NEURL1: variants seen among roughly 807,000 people sequenced by gnomAD.
The protein encoded by NEURL1 is neuralized E3 ubiquitin protein ligase 1, also known as E3 ubiquitin-protein ligase NEURL1.
In NEURL1, 26 loss-of-function variants were observed where a neutral mutation model predicts 41.2. The ratio of observed to expected loss-of-function variants is 0.63; its 90% CI spans 0.46 to 0.87. The LOEUF is 0.87. NEURL1 is among the 40% of genes least tolerant of loss of function. NEURL1 has a pLI of 0.00. For missense variants in NEURL1, 761 were observed against 871.1 expected (o/e 0.87, Z 1.59); for synonymous variants, 400 against 402.3 (o/e 0.99, Z 0.07).
intron 3 of NEURL1, among the ~76,000 whole-genome samples, chr10:103,575,372 C>T (rs950859897): frequency 2.6e-5 from 4 of 152,186 alleles, no homozygotes; most frequent in African/African-American, 9.7e-5. Context: ...CCTGGGGTGA[C>T]TGTCCCCCAA....
At position 103,590,568 on chromosome 10, in the gene NEURL1, C is replaced by T. The variant is rs766245957; in HGVS notation, c.*196C>T. ...CAGGGAGGGGGCAGAGGCAAATCAC[C>T]GGGCAGAGGGAGGGGAGGAGAGGAG... is the stretch of plus-strand genomic sequence containing the variant. On this transcript the variant is annotated 3_prime_UTR_variant, in exon 6 of 6. Transcript: ENST00000369780. 2.4e-5 allele frequency: 14 copies of T among 593,454 alleles called. No individual in the cohort carries two copies. In the Middle Eastern group the frequency reaches 1.6e-3, roughly 68 times the overall value. The allele number at this position is 593,454 out of a possible 1,614,324, so 36.8% of individuals were successfully genotyped here. A position where few individuals can be genotyped will look rare whatever the true frequency, so the allele number is the denominator to read the frequency against.
At chr10:103,549,788 A>G (rs1344387073) in intron 1 of NEURL1, among the ~76,000 whole-genome samples, 1 of 151,792 alleles carries the variant, frequency 6.6e-6, no homozygotes, top group South Asian at 2.1e-4. Flanking sequence ...TCCCTTGTCC[A>G]GTGTTGTCTT....
chr10:103,535,140 T>C (rs72848965), intron 1 of NEURL1, among the ~76,000 whole-genome samples: 29,946 of 151,994 alleles, frequency 0.2, 3,097 homozygotes, highest in Non-Finnish European at 0.23. Context: ...ATCCTGACTG[T>C]GTGATGCCAG....
chr10:103,522,538 G>T (rs1445358562), intron 1 of NEURL1, among the ~76,000 whole-genome samples: 2 of 149,502 alleles, frequency 1.3e-5, no homozygotes, highest in Non-Finnish European at 3.0e-5. Flanking sequence ...GGAGGTGGAG[G>T]TTGCGGTGAG....
intron 1 of NEURL1, among the ~76,000 whole-genome samples, chr10:103,528,521 C>A (rs184214896): frequency 3.5e-4 from 50 of 142,694 alleles, no homozygotes; most frequent in Admixed American, 1.6e-3. Context: ...GGCAATAGAG[C>A]GTGACTCCGT....
In NEURL1 at chr10:103,590,486, T is replaced by C. The variant is rs2036018420; in HGVS notation, c.*114T>C. 1 of 792,670 alleles carries C rather than the reference T, an allele frequency of 1.3e-6. No individual in the cohort carries two copies. The highest frequency in any genetic ancestry group is 1.7e-5 in the African/African-American group (1 of 58,002). The allele number at this position is 792,670 out of a possible 1,614,324, so 49.1% of individuals were successfully genotyped here. On this transcript the variant is annotated 3_prime_UTR_variant, in exon 6 of 6. Transcript: ENST00000369780. The stretch of plus-strand genomic sequence containing the variant: ...TCCTCATTTTGGAAACTTTTCCTCC[T>C]CTATTAAACATGGGAAACTGAAGCC...
intron 1 of NEURL1, among the ~76,000 whole-genome samples, chr10:103,526,198 T>C (rs950591688): frequency 1.1e-4 from 5 of 46,550 alleles, no homozygotes; most frequent in African/African-American, 2.8e-4. Context: ...TGTAGCTTTC[T>C]TTTTTTTGTT....
chr10:103,513,876 C>CG (rs1296447536), intron 1 of NEURL1, among the ~76,000 whole-genome samples: 1 of 151,238 alleles, frequency 6.6e-6, no homozygotes, highest in African/African-American at 2.4e-5. Flanking sequence ...GCAGTGAGGC[C>CG]GGGGGAGGGC....
At chr10:103,585,832 CAAAAAAA>C (rs764619225) in intron 4 of NEURL1, among the ~76,000 whole-genome samples, 3 of 91,514 alleles carry the variant, frequency 3.3e-5, no homozygotes, top group Non-Finnish European at 4.7e-5. Flanking sequence ...GACTCCGTCT[CAAAAAAA>C]AAAAAAAAAA....
Position 103,508,438 on chromosome 10 carries a change from C to A in NEURL1, c.85+13966C>A, listed in dbSNP as rs1023909397. Among the ~76,000 whole-genome samples, 2 of 152,196 alleles carry A rather than the reference C, an allele frequency of 1.3e-5. No homozygotes were observed. The highest frequency in any genetic ancestry group is 4.8e-5 in the African/African-American group (2 of 41,440). On this transcript the variant is annotated intron_variant, in intron 1 of 5. Transcript: ENST00000369780. This position sits in a 1 kb window ranked among gnomAD's most constrained non-coding sequence, Gnocchi z 4.3. ...GCTAGGACCTCTTTCTGTCTCTGAG[C>A]GCCCTGACTTCTCTTCCAGCCCCGA... is the stretch of plus-strand genomic sequence containing the variant.
chr10:103,546,331 T>A (rs2034924230), intron 1 of NEURL1, among the ~76,000 whole-genome samples: 1 of 152,226 alleles, frequency 6.6e-6, no homozygotes, highest in African/African-American at 2.4e-5. Flanking sequence ...GCTCTGGCAC[T>A]TTATAGCTTT....
At position 103,592,198 on chromosome 10, in the gene NEURL1, GGA is replaced by G. The variant is rs1461479784; in HGVS notation, c.*1832_*1833del. On this transcript the variant is annotated 3_prime_UTR_variant, in exon 6 of 6. Transcript: ENST00000369780. The surrounding 1 kb of genome is among the most constrained non-coding windows in gnomAD (Gnocchi z 4.8). ...CCATTTCTATAAAATGGTTGTTTCG[GGA>G]GAGAGGGGCAGGCTTTCTGTGTGAC... 9.8e-5 allele frequency: 15 copies of G among 152,448 alleles called. No individual in the cohort carries two copies. In the East Asian group the frequency reaches 2.9e-3, roughly 29 times the overall value. 9.4% of individuals were successfully genotyped at this position (152,448 alleles called of 1,614,324 possible). A position where few individuals can be genotyped will look rare whatever the true frequency, so the allele number is the denominator to read the frequency against.
chr10:103,573,879 G>T (rs1225664642), intron 3 of NEURL1, among the ~76,000 whole-genome samples: 1 of 152,216 alleles, frequency 6.6e-6, no homozygotes, highest in African/African-American at 2.4e-5. Flanking sequence ...TTCCTGGGCG[G>T]AATTCTTCTC....
Position 103,494,424 on chromosome 10 carries a change from C to T in NEURL1, c.37C>T (p.Arg13Ter). The T allele has an allele frequency of 6.3e-7, 1 of 1,598,648 alleles. No individual in the cohort carries two copies. Among genetic ancestry groups the T allele is most frequent in the Non-Finnish European group, 8.5e-7 (1 of 1,173,220 alleles). The change falls in exon 1 of 6, where the codon CGA becomes TGA. Residue 13 changes from arginine (R) to a stop codon, truncating the protein, a stop_gained. Coordinates refer to ENST00000369780, the MANE Select transcript of NEURL1 (RefSeq NM_004210.5). LOFTEE classifies it high-confidence loss of function. ...NNFSSIPSLP[R>*]GNPSRAPRGH... ...CTTCTCCAGTATCCCCTCGCTGCCCCGAGGAAACCCGAGCCGCGCGCCGCG... is the reference window on the plus strand; with the variant it reads ...CTTCTCCAGTATCCCCTCGCTGCCCTGAGGAAACCCGAGCCGCGCGCCGCG...
chr10:103,580,382 T>TG (rs2133882607), intron 3 of NEURL1, among the ~76,000 whole-genome samples: 1 of 152,328 alleles, frequency 6.6e-6, no homozygotes, highest in East Asian at 1.9e-4. Flanking sequence ...TGCTTCCGAA[T>TG]GTGGGGCCAC....
rs2035779636 is a variant in NEURL1 at position 103,581,319 on chromosome 10, A to G, written c.650-3217A>G. On this transcript the variant is annotated intron_variant, in intron 3 of 5. Transcript: ENST00000369780. ...TGCACTTTCTTCTGAATCATGTGGC[A>G]TTTCACATGCCAATAACAACGGCTT... is the stretch of plus-strand genomic sequence containing the variant. Among the ~76,000 whole-genome samples, 4 of 152,204 alleles carry G rather than the reference A, an allele frequency of 2.6e-5. 1 individual carries two copies. The South Asian group carries it at 8.3e-4, about 31-fold the overall frequency.
chr10:103,553,708 C>CT (rs2035083834), intron 1 of NEURL1, among the ~76,000 whole-genome samples: 1 of 152,222 alleles, frequency 6.6e-6, no homozygotes, highest in Non-Finnish European at 1.5e-5. Context: ...GCCCAGGCCT[C>CT]TGAGTTCCAT....
intron 1 of NEURL1, among the ~76,000 whole-genome samples, chr10:103,548,241 G>A (rs1254954754): frequency 2.0e-5 from 3 of 152,228 alleles, no homozygotes; most frequent in Admixed American, 1.3e-4. Flanking sequence ...AGCTTAGAAT[G>A]TGCCTGATGC....
chr10:103,563,145 T>C (rs1385154461), intron 1 of NEURL1, among the ~76,000 whole-genome samples: 2 of 152,350 alleles, frequency 1.3e-5, no homozygotes, highest in Admixed American at 1.3e-4. Flanking sequence ...TAGTCTCCCA[T>C]TGGACTGAAA....
Sources: allele counts gnomAD v4.1 joint callset (sites outside exome capture counted in the v4.1 genomes callset), GRCh38; gene constraint gnomAD v4.1.1; non-coding constraint Gnocchi (gnomAD v3.1); transcripts MANE v1.5; gene names NCBI Gene and HGNC (gene_info 2026-07-23, HGNC 2026-07-21).